The following JAZF1 variants were observed in gnomAD, a reference collection of about 807,000 sequenced individuals.
The protein encoded by JAZF1 is juxtaposed with another zinc finger protein 1.
In JAZF1, 8 loss-of-function variants were observed where a neutral mutation model predicts 26.4. That is an observed-to-expected ratio of 0.30 (90% CI 0.18 to 0.55). The LOEUF is 0.55. Ranked by LOEUF, JAZF1 falls within the 20% of genes least tolerant of loss-of-function variation. JAZF1 has a pLI of 0.94. For missense variants in JAZF1, 199 were observed against 322.0 expected, an observed-to-expected ratio of 0.62 and a Z score of 2.92; for synonymous variants, 126 against 122.3, an observed-to-expected ratio of 1.03 and a Z score of -0.20.
chr7:27,924,994 G>A (rs146608759), intron 2 of JAZF1, among the ~76,000 whole-genome samples: 188 of 152,284 alleles, frequency 1.2e-3, no homozygotes, highest in African/African-American at 4.4e-3. Context: ...TAAAAATAGG[G>A]TTATTCCCTT....
chr7:28,047,515 T>A (rs1783517048), intron 1 of JAZF1, among the ~76,000 whole-genome samples: 1 of 152,156 alleles, frequency 6.6e-6, no homozygotes, highest in Non-Finnish European at 1.5e-5. Flanking sequence ...ATTTCTATCG[T>A]TTATCTCATA....
At chr7:27,937,017 T>G (rs1311635074) in intron 2 of JAZF1, among the ~76,000 whole-genome samples, 1 of 152,228 alleles carries the variant, frequency 6.6e-6, no homozygotes, top group Non-Finnish European at 1.5e-5. Flanking sequence ...CTCTATTTGT[T>G]TCTCTAAATA....
At chr7:27,985,227 T>C (rs924343120) in intron 2 of JAZF1, among the ~76,000 whole-genome samples, 4 of 151,410 alleles carry the variant, frequency 2.6e-5, no homozygotes. Context: ...AAGAAGAAAA[T>C]AGAGAAGAAT....
chr7:27,868,160 C>A (rs928159595), intron 3 of JAZF1, among the ~76,000 whole-genome samples: 6 of 152,230 alleles, frequency 3.9e-5, no homozygotes, highest in Admixed American at 2.0e-4. Flanking sequence ...CTAGTCGTTA[C>A]TATTTTCACT....
chr7:27,899,674 A>G (rs1343871795), intron 2 of JAZF1, among the ~76,000 whole-genome samples: 1 of 151,954 alleles, frequency 6.6e-6, no homozygotes, highest in Non-Finnish European at 1.5e-5. Flanking sequence ...GGCTCAAGCA[A>G]TCCTCCCACC....
At chr7:28,087,295 A>G (rs1231661143) in intron 1 of JAZF1, among the ~76,000 whole-genome samples, 1 of 152,088 alleles carries the variant, frequency 6.6e-6, no homozygotes, top group Non-Finnish European at 1.5e-5. Flanking sequence ...CTAGGAATCA[A>G]TCTTGGAAGG....
intron 1 of JAZF1, among the ~76,000 whole-genome samples, chr7:28,169,507 C>CTGAA (rs1437344965): frequency 1.3e-5 from 2 of 152,192 alleles, no homozygotes; most frequent in African/African-American, 4.8e-5. Flanking sequence ...GCTATCAGTC[C>CTGAA]TGAAGATGAG....
At chr7:27,896,865 C>T (rs533161963) in intron 2 of JAZF1, among the ~76,000 whole-genome samples, 1 of 152,216 alleles carries the variant, frequency 6.6e-6, no homozygotes, top group African/African-American at 2.4e-5. Context: ...TAAAGCTTTG[C>T]CTTGAGCTCT....
At chr7:27,976,158 C>T (rs2128360904) in intron 2 of JAZF1, among the ~76,000 whole-genome samples, 1 of 152,138 alleles carries the variant, frequency 6.6e-6, no homozygotes, top group African/African-American at 2.4e-5. Context: ...TCCTGGCTAC[C>T]ATGGTGAAAC....
chr7:27,908,976 A>G (rs1254457077), intron 2 of JAZF1, among the ~76,000 whole-genome samples: 1 of 151,148 alleles, frequency 6.6e-6, no homozygotes, highest in Non-Finnish European at 1.5e-5. Context: ...TTATTAGGTT[A>G]TTCAGGTAAG....
intron 2 of JAZF1, among the ~76,000 whole-genome samples, chr7:27,988,561 C>G (rs1178330131): frequency 1.3e-5 from 2 of 151,918 alleles, no homozygotes; most frequent in East Asian, 3.9e-4. Context: ...AATGTATCAC[C>G]AAATTGCCCT....
rs141025431 is a variant in JAZF1, at chr7:27,840,836, A to G, written c.417T>C (p.Tyr139=). ...GSEYDEEEVD[Y]EESDSDESWT... is the part of the protein sequence containing the mutation. ...AGGACTCATCGCTGTCCGACTCCTC[A>G]TAGTCCACCTCCTCCTCGTCATACT... The change falls in exon 4 of 5, where the codon TAT becomes TAC. Residue 139 remains tyrosine, a synonymous_variant. Transcript: ENST00000283928. This position sits in a 1 kb window ranked among gnomAD's most constrained non-coding sequence, Gnocchi z 5.1. The G allele has an allele frequency of 1.9e-6, 3 of 1,614,020 alleles. No individual in the cohort carries two copies. Among genetic ancestry groups the G allele is most frequent in the African/African-American group, 2.7e-5 (2 of 74,922 alleles).
At chr7:27,928,415 T>C (rs1784631793) in intron 2 of JAZF1, among the ~76,000 whole-genome samples, 1 of 152,230 alleles carries the variant, frequency 6.6e-6, no homozygotes, top group South Asian at 2.1e-4. Flanking sequence ...GAAAGCCAAT[T>C]GCAGGCAAGG....
At chr7:28,152,896 AT>A (rs1201269387) in intron 1 of JAZF1, among the ~76,000 whole-genome samples, 3 of 152,218 alleles carry the variant, frequency 2.0e-5, no homozygotes, top group African/African-American at 7.2e-5. Flanking sequence ...ACAGAAATAC[AT>A]TTGAATTTTA....
intron 1 of JAZF1, among the ~76,000 whole-genome samples, chr7:27,999,440 C>A (rs1237723476): frequency 1.3e-5 from 2 of 152,056 alleles, no homozygotes; most frequent in East Asian, 3.9e-4. Context: ...GGCTTAGTGA[C>A]AAAAGAAAAG....
Position 28,071,376 on chromosome 7 carries a change from G to A in JAZF1, c.116-79395C>T, listed in dbSNP as rs78619270. On this transcript the variant is annotated intron_variant, in intron 1 of 4. Coordinates refer to ENST00000283928, the MANE Select transcript of JAZF1 (RefSeq NM_175061.4). ...TCTGTCAACTCCAACACCAGCAGGC[G>A]TCTACAGTTTAGTGGCTAAATGCAA... 4.8e-3 allele frequency among the ~76,000 whole-genome samples: 737 copies of A among 152,296 alleles called. 4 individuals carry two copies. The highest frequency in any genetic ancestry group is 0.017 in the Middle Eastern group (5 of 294).
At chr7:28,112,110 C>T (rs1422386857) in intron 1 of JAZF1, among the ~76,000 whole-genome samples, 1 of 152,162 alleles carries the variant, frequency 6.6e-6, no homozygotes, top group Non-Finnish European at 1.5e-5. Flanking sequence ...GGTGTCTTCG[C>T]CTCTCCCCTG....
chr7:28,091,876 C>T (rs1203150464), intron 1 of JAZF1, among the ~76,000 whole-genome samples: 1 of 152,022 alleles, frequency 6.6e-6, no homozygotes, highest in Non-Finnish European at 1.5e-5. Context: ...AGACTCACAC[C>T]TTCTACCTTA....
At chr7:27,924,962 A>G (rs904684135) in intron 2 of JAZF1, among the ~76,000 whole-genome samples, 1 of 152,234 alleles carries the variant, frequency 6.6e-6, no homozygotes, top group Non-Finnish European at 1.5e-5. Context: ...CTAGCTAAAG[A>G]CAAATGCCAG....
Sources: gnomAD v4.1 joint callset for allele counts (sites outside exome capture counted in the v4.1 genomes callset) on GRCh38, gnomAD v4.1.1 for gene constraint, Gnocchi (gnomAD v3.1) non-coding constraint, MANE v1.5 for transcripts, NCBI Gene and HGNC (gene_info 2026-07-23, HGNC 2026-07-21) for gene names.